EEIG2: variants seen among roughly 807,000 people sequenced by gnomAD.
The protein encoded by EEIG2 is family with sequence similarity 102 member B.
chr1:108,590,462 A>T, the EEIG2 span, among the ~76,000 whole-genome samples: 1 of 152,204 alleles, frequency 6.6e-6, no homozygotes, highest in African/African-American at 2.4e-5. Context: ...AACTTGTAAC[A>T]TTTATTATTG....
At chr1:108,603,483 A>G in the EEIG2 span, among the ~76,000 whole-genome samples, 6 of 152,290 alleles carry the variant, frequency 3.9e-5, no homozygotes, top group Non-Finnish European at 5.9e-5. Context: ...AGTCCGCTCA[A>G]TCCCTTCTTG....
At chr1:108,613,792 C>G in the EEIG2 span, among the ~76,000 whole-genome samples, 2 of 152,074 alleles carry the variant, frequency 1.3e-5, no homozygotes, top group Non-Finnish European at 2.9e-5. Context: ...ACCATCTGTG[C>G]AGACGAGCTA....
At chr1:108,599,144 G>A in the EEIG2 span, among the ~76,000 whole-genome samples, 1 of 151,820 alleles carries the variant, frequency 6.6e-6, no homozygotes, top group Admixed American at 6.6e-5. Context: ...CAGCCTGGGT[G>A]ACAGAGTGAG....
chr1:108,608,788 G>A, the EEIG2 span, among the ~76,000 whole-genome samples: 1 of 152,230 alleles, frequency 6.6e-6, no homozygotes, highest in African/African-American at 2.4e-5. Flanking sequence ...CATAGATTAG[G>A]TGATTTAAAC....
chr1:108,587,152 C>G, the EEIG2 span, among the ~76,000 whole-genome samples: 3 of 152,240 alleles, frequency 2.0e-5, no homozygotes, highest in Middle Eastern at 3.4e-3. Context: ...TAGTTCATAT[C>G]AACTTCTGGG....
At chr1:108,606,900 T>A in the EEIG2 span, among the ~76,000 whole-genome samples, 1 of 152,182 alleles carries the variant, frequency 6.6e-6, no homozygotes, top group Non-Finnish European at 1.5e-5. Context: ...TGGCCTCAAG[T>A]GATCCTCCTG....
the EEIG2 span, among the ~76,000 whole-genome samples, chr1:108,579,770 T>TGAGAGAGA: frequency 3.7e-3 from 86 of 23,182 alleles, no homozygotes; most frequent in Non-Finnish European, 5.1e-3. Flanking sequence ...TGTGTGTGTG[T>TGAGAGAGA]GTGAGAGAGA....
chr1:108,574,718 C>T, the EEIG2 span, among the ~76,000 whole-genome samples: 2 of 152,160 alleles, frequency 1.3e-5, no homozygotes, highest in South Asian at 2.1e-4. Flanking sequence ...CCATTGCACT[C>T]CAGCCTGGAT....
At chr1:108,604,375 G>A in the EEIG2 span, among the ~76,000 whole-genome samples, 1 of 152,184 alleles carries the variant, frequency 6.6e-6, no homozygotes, top group African/African-American at 2.4e-5. Context: ...GAAGGGAGAA[G>A]TGCTTATGTT....
At chr1:108,562,915 A>G in the EEIG2 span, among the ~76,000 whole-genome samples, 4 of 152,228 alleles carry the variant, frequency 2.6e-5, no homozygotes, top group African/African-American at 9.6e-5. Flanking sequence ...AGAACTTTTA[A>G]TTAGTGGGTG....
chr1:108,614,040 C>T, the EEIG2 span, among the ~76,000 whole-genome samples: 2 of 151,776 alleles, frequency 1.3e-5, no homozygotes, highest in Non-Finnish European at 2.9e-5. Flanking sequence ...TGTTTCCAGT[C>T]CTCTTAGTCT....
the EEIG2 span, among the ~76,000 whole-genome samples, chr1:108,631,330 A>G: frequency 6.6e-6 from 1 of 152,256 alleles, no homozygotes; most frequent in Non-Finnish European, 1.5e-5. Flanking sequence ...TTATTTGTAT[A>G]GTGTTTACTG....
chr1:108,620,740 G>GAATT, the EEIG2 span, among the ~76,000 whole-genome samples: 861 of 152,206 alleles, frequency 5.7e-3, 5 homozygotes, highest in East Asian at 8.1e-3. Context: ...AGAGGTTAAG[G>GAATT]AATTAATTCT....
chr1:108,607,152 C>G, the EEIG2 span, among the ~76,000 whole-genome samples: 1 of 152,210 alleles, frequency 6.6e-6, no homozygotes, highest in Non-Finnish European at 1.5e-5. Flanking sequence ...AGAACGTCAT[C>G]AAGAACTCAT....
At chr1:108,565,363 G>A in the EEIG2 span, among the ~76,000 whole-genome samples, 8 of 152,312 alleles carry the variant, frequency 5.3e-5, no homozygotes, top group African/African-American at 1.4e-4. Context: ...TGACCACATC[G>A]TGTATTTGGT....
the EEIG2 span, chr1:108,628,799 C>T: frequency 2.0e-5 from 33 of 1,611,104 alleles, no homozygotes; most frequent in Middle Eastern, 1.6e-4. Context: ...GATTCCAGTG[C>T]GGAAGGTGTG....
At chr1:108,633,694 A>G in the EEIG2 span, among the ~76,000 whole-genome samples, 7 of 152,192 alleles carry the variant, frequency 4.6e-5, no homozygotes, top group African/African-American at 9.7e-5. Context: ...CACTTTGGCT[A>G]TGATGTGCCT....
At chr1:108,612,085 C>T in the EEIG2 span, 1 of 789,034 alleles carries the variant, frequency 1.3e-6, no homozygotes, top group South Asian at 2.7e-5. Context: ...TGGAGAAAAC[C>T]TGTCTAGGGT....
At chr1:108,630,141 G>A in the EEIG2 span, among the ~76,000 whole-genome samples, 114 of 152,256 alleles carry the variant, frequency 7.5e-4, no homozygotes, top group East Asian at 2.3e-3. Flanking sequence ...ACTGTGCATC[G>A]CTAGTCTGAT....
Sources: allele counts gnomAD v4.1 joint callset (sites outside exome capture counted in the v4.1 genomes callset), GRCh38; gene constraint gnomAD v4.1.1; transcripts MANE v1.5; gene names NCBI Gene and HGNC (gene_info 2026-07-23, HGNC 2026-07-21).